SLC9A9: variants seen among roughly 807,000 people sequenced by gnomAD.
SLC9A9 encodes the protein sodium/hydrogen exchanger 9.
In SLC9A9, 62 loss-of-function variants were observed where a neutral mutation model predicts 77.8. That is an observed-to-expected ratio of 0.80 (90% confidence interval 0.65 to 0.98). The LOEUF (loss-of-function observed/expected upper bound fraction) is 0.98, where lower values mean the gene tolerates loss of function less well. Among genes scored for constraint, SLC9A9 ranks in the 50% least tolerant of loss-of-function variants. SLC9A9 has a pLI of 0.00. For synonymous variants in SLC9A9, 320 were observed against 283.5 expected (o/e 1.13, Z -1.29); for missense variants, 775 against 774.9 (o/e 1.00, Z 0.00).
At chr3:143,504,108 C>G in intron 9 of SLC9A9, 1 of 489,684 alleles carries the variant, frequency 2.0e-6, no homozygotes, top group South Asian at 1.5e-5. Flanking sequence ...TACTGTGGAA[C>G]TTGCCATGGG....
intron 8 of SLC9A9, among the ~76,000 whole-genome samples, chr3:143,555,454 C>T (rs1295088741): frequency 6.6e-6 from 1 of 152,190 alleles, no homozygotes; most frequent in Non-Finnish European, 1.5e-5. Flanking sequence ...GTACCAGGCA[C>T]ATGGTAGGCA....
intron 6 of SLC9A9, among the ~76,000 whole-genome samples, chr3:143,600,408 A>T (rs1293789939): frequency 6.6e-6 from 1 of 152,340 alleles, no homozygotes; most frequent in East Asian, 1.9e-4. Flanking sequence ...ATGTTTTGCT[A>T]TCTTAAAGAG....
chr3:143,381,384 G>C (rs563392336), intron 13 of SLC9A9: 1 of 153,408 alleles, frequency 6.5e-6, no homozygotes, highest in East Asian at 1.9e-4. Context: ...ATCCATGTAA[G>C]ATGTGACTTG....
chr3:143,428,732 C>T (rs2108534043), intron 12 of SLC9A9, among the ~76,000 whole-genome samples: 1 of 152,304 alleles, frequency 6.6e-6, no homozygotes, highest in African/African-American at 2.4e-5. Flanking sequence ...CACACAGACA[C>T]ACACACGAAT....
intron 1 of SLC9A9, among the ~76,000 whole-genome samples, chr3:143,833,480 C>T (rs183163863): frequency 6.6e-6 from 1 of 152,266 alleles, no homozygotes; most frequent in East Asian, 1.9e-4. Context: ...TTGAATTATG[C>T]AAAGCTTGAA....
chr3:143,662,685 G>A lies in SLC9A9; in HGVS notation c.650-10325C>T, dbSNP rs141207953. ...CTGTCTCGGTGGGTCCTACGCCCAC[G>A]GAGCCTTGCTCACTGCTAGCACAGC... On this transcript the variant is annotated intron_variant, in intron 5 of 15. Transcript: ENST00000316549. Among the ~76,000 whole-genome samples the A allele has an allele frequency of 4.4e-3, 630 of 144,750 alleles. 4 individuals are homozygous for A. Among genetic ancestry groups the A allele is most frequent in the African/African-American group, 0.014 (561 of 39,226 alleles). 95.0% of individuals were successfully genotyped at this position (144,750 alleles called of 152,430 possible). A position where few individuals can be genotyped will look rare whatever the true frequency, so the allele number is the denominator to read the frequency against.
intron 11 of SLC9A9, among the ~76,000 whole-genome samples, chr3:143,483,008 G>T (rs1336282317): frequency 6.6e-6 from 1 of 152,166 alleles, no homozygotes; most frequent in East Asian, 1.9e-4. Context: ...TGACCTCCTG[G>T]CCTTGAATTT....
At chr3:143,433,711 G>A (rs1047863025) in intron 12 of SLC9A9, among the ~76,000 whole-genome samples, 2 of 152,136 alleles carry the variant, frequency 1.3e-5, no homozygotes, top group Non-Finnish European at 1.5e-5. Context: ...TGTTCTATTC[G>A]TGTTTCTATC....
intron 9 of SLC9A9, among the ~76,000 whole-genome samples, chr3:143,520,374 A>G (rs1576550427): frequency 6.6e-6 from 1 of 152,342 alleles, no homozygotes; most frequent in East Asian, 1.9e-4. Context: ...GGATACAGCA[A>G]CAAGGTAGCC....
chr3:143,340,835 C>T (rs1275051956), intron 14 of SLC9A9, among the ~76,000 whole-genome samples: 1 of 152,008 alleles, frequency 6.6e-6, no homozygotes, highest in Non-Finnish European at 1.5e-5. Flanking sequence ...TCTAGAATGA[C>T]AATATAAATG....
chr3:143,738,801 T>TA (rs1290180619), intron 4 of SLC9A9, among the ~76,000 whole-genome samples: 1 of 152,194 alleles, frequency 6.6e-6, no homozygotes, highest in African/African-American at 2.4e-5. Context: ...GTACGTTACT[T>TA]ACAATGACTT....
At chr3:143,562,924 A>C (rs981907087) in intron 8 of SLC9A9, among the ~76,000 whole-genome samples, 93 of 152,214 alleles carry the variant, frequency 6.1e-4, no homozygotes, top group African/African-American at 2.2e-3. Flanking sequence ...GAAAGAAATC[A>C]GGAGGTGGCC....
At chr3:143,614,456 A>G (rs896315290) in intron 6 of SLC9A9, among the ~76,000 whole-genome samples, 1 of 152,092 alleles carries the variant, frequency 6.6e-6, no homozygotes, top group Non-Finnish European at 1.5e-5. Context: ...GGCTTGGGGG[A>G]AAATAGGCTG....
intron 6 of SLC9A9, among the ~76,000 whole-genome samples, chr3:143,625,088 C>G (rs1322608766): frequency 6.6e-6 from 1 of 152,174 alleles, no homozygotes; most frequent in Non-Finnish European, 1.5e-5. Context: ...AGGAGAACTA[C>G]AAACCACTGC....
At chr3:143,289,420 G>A (rs1368186783) in intron 14 of SLC9A9, among the ~76,000 whole-genome samples, 3 of 152,150 alleles carry the variant, frequency 2.0e-5, no homozygotes, top group African/African-American at 7.2e-5. Flanking sequence ...CGAAGGCTAA[G>A]GACTCTCAGA....
intron 4 of SLC9A9, among the ~76,000 whole-genome samples, chr3:143,745,078 C>T (rs1466877640): frequency 6.6e-6 from 1 of 152,172 alleles, no homozygotes; most frequent in Non-Finnish European, 1.5e-5. Flanking sequence ...AGAGCTTGAC[C>T]TTTACACAAA....
chr3:143,495,586 T>A (rs899865697), intron 9 of SLC9A9, 138 bp from the exon 10 acceptor site: 10 of 658,020 alleles, frequency 1.5e-5, no homozygotes, highest in Non-Finnish European at 2.5e-5. Flanking sequence ...GCTTAGCCTC[T>A]GAAGGAGGAT....
chr3:143,419,988 TTC>T (rs2034268067), intron 12 of SLC9A9, among the ~76,000 whole-genome samples: 1 of 152,312 alleles, frequency 6.6e-6, no homozygotes, highest in Non-Finnish European at 1.5e-5. Flanking sequence ...AAAAGTGATA[TTC>T]TGAGTTCACT....
chr3:143,490,279 C>T (rs2035717704), intron 11 of SLC9A9, among the ~76,000 whole-genome samples: 1 of 152,110 alleles, frequency 6.6e-6, no homozygotes, highest in South Asian at 2.1e-4. Context: ...CAAGTGTCCA[C>T]TGATAGATGA....
Sources: allele counts gnomAD v4.1 joint callset (sites outside exome capture counted in the v4.1 genomes callset), GRCh38; gene constraint gnomAD v4.1.1; transcripts MANE v1.5; gene names NCBI Gene and HGNC (gene_info 2026-07-23, HGNC 2026-07-21).